The following USH2A variants were observed in gnomAD, a reference collection of about 807,000 sequenced individuals.
USH2A encodes Usher syndrome 2A (autosomal recessive, mild).
In USH2A, 443 loss-of-function variants were observed where a neutral mutation model predicts 538.9. That is an observed-to-expected ratio of 0.82 (90% CI 0.76 to 0.89). The LOEUF (loss-of-function observed/expected upper bound fraction) is 0.89. Ranked by LOEUF, USH2A falls within the 40% of genes least tolerant of loss-of-function variation. The probability of loss-of-function intolerance (pLI) is 0.00; values close to 1 mark genes in which losing one functional copy is unlikely to be tolerated. For synonymous variants in USH2A, 2,413 were observed against 2,273.5 expected (o/e 1.06, Z -1.75); for missense variants, 6,633 against 6,324.8 (o/e 1.05, Z -1.65).
intron 30 of USH2A, among the ~76,000 whole-genome samples, chr1:216,065,047 T>C (rs1400067953): frequency 1.3e-5 from 2 of 152,234 alleles, no homozygotes; most frequent in African/African-American, 4.8e-5. Flanking sequence ...AGTTAACTCT[T>C]CCCTTAGTTT....
intron 61 of USH2A, among the ~76,000 whole-genome samples, chr1:215,699,631 T>C (rs1442068937): frequency 6.6e-6 from 1 of 152,322 alleles, no homozygotes; most frequent in East Asian, 1.9e-4. Flanking sequence ...ATTATTGGTG[T>C]ATAGGAATGC....
intron 64 of USH2A, among the ~76,000 whole-genome samples, chr1:215,659,080 G>T (rs1657358287): frequency 6.6e-6 from 1 of 152,186 alleles, no homozygotes; most frequent in Admixed American, 6.5e-5. Context: ...ATCCTGGTGA[G>T]GAGAGGCAAT....
intron 35 of USH2A, among the ~76,000 whole-genome samples, chr1:215,975,644 T>G (rs1667602764): frequency 6.6e-6 from 1 of 152,206 alleles, no homozygotes; most frequent in Non-Finnish European, 1.5e-5. Context: ...GCTGTATTTC[T>G]AGATTCTCTT....
Position 216,313,342 on chromosome 1 carries a change from G to T in USH2A, c.1644+8541C>A, listed in dbSNP as rs77835154. Among the ~76,000 whole-genome samples, 489 of 152,176 alleles carry T rather than the reference G, an allele frequency of 3.2e-3. 4 individuals are homozygous for T. Among genetic ancestry groups the T allele is most frequent in the African/African-American group, 0.011 (475 of 41,516 alleles). ...TGGGGACCCCTGTTCTATGATTCTA[G>T]GATTAGTTTTCAGTTTTTAATGAGC... On this transcript the variant is annotated intron_variant, in intron 9 of 71. Coordinates refer to ENST00000307340, the MANE Select transcript of USH2A (RefSeq NM_206933.4).
intron 64 of USH2A, among the ~76,000 whole-genome samples, chr1:215,666,462 G>T (rs978268479): frequency 2.0e-5 from 3 of 152,166 alleles, no homozygotes; most frequent in Non-Finnish European, 4.4e-5. Flanking sequence ...CATTTGTGGG[G>T]AGCTGGCTTC....
At chr1:215,983,319 T>C (rs1469143049) in intron 35 of USH2A, among the ~76,000 whole-genome samples, 2 of 152,160 alleles carry the variant, frequency 1.3e-5, no homozygotes, top group Non-Finnish European at 2.9e-5. Flanking sequence ...GAGGAAGATG[T>C]CATAAGCCAT....
At position 216,072,988 on chromosome 1, in the gene USH2A, G is replaced by A; in HGVS notation, c.5777-19C>T. 6.2e-7 allele frequency: 1 copy of A among 1,613,464 alleles called. No homozygotes were observed. The highest frequency in any genetic ancestry group is 8.5e-7 in the Non-Finnish European group (1 of 1,179,470). On this transcript the variant is annotated intron_variant, in intron 28 of 71. Transcript: ENST00000307340. ...AGGTATTCTTAAATGGAAATAAGATGCAGCAAGATTAAAATAATACTCATA... is the reference window on the plus strand; with the variant it reads ...AGGTATTCTTAAATGGAAATAAGATACAGCAAGATTAAAATAATACTCATA...
chr1:215,946,915 C>T (rs925052130), intron 37 of USH2A, among the ~76,000 whole-genome samples: 3 of 151,800 alleles, frequency 2.0e-5, no homozygotes, highest in African/African-American at 4.8e-5. Flanking sequence ...TTGAAATATC[C>T]TATAAGTGTA....
intron 49 of USH2A, among the ~76,000 whole-genome samples, chr1:215,813,505 TGTA>T (rs1436383824): frequency 6.6e-6 from 1 of 152,214 alleles, no homozygotes; most frequent in Non-Finnish European, 1.5e-5. Context: ...TATTTCTTTC[TGTA>T]GTAGATATTG....
intron 21 of USH2A, among the ~76,000 whole-genome samples, chr1:216,154,995 A>ATCTTATCCAAATGCAAATTTCTAGGTATT (rs2033909596): frequency 3.0e-5 from 3 of 100,466 alleles, no homozygotes; most frequent in Non-Finnish European, 6.6e-5. Context: ...AGATCTGTAT[A>ATCTTATCCAAATGCAAATTTCTAGGTATT]TCTTATCCAA....
chr1:216,251,134 G>A (rs779966874), intron 11 of USH2A, 36 bp from the exon 12 acceptor site: 99 of 1,606,468 alleles, frequency 6.2e-5, no homozygotes, highest in East Asian at 1.1e-4. Context: ...AATGATGAAC[G>A]TATCTATTTT....
At position 215,934,705 on chromosome 1, in the gene USH2A, G is replaced by A. The variant is rs1302759052; in HGVS notation, c.7211C>T (p.Pro2404Leu). The A allele has an allele frequency of 3.3e-5, 53 of 1,612,690 alleles. No individual in the cohort carries two copies. Among genetic ancestry groups the A allele is most frequent in the Non-Finnish European group, 4.4e-5 (52 of 1,179,142 alleles). ...NLWVLIDGLV[P>L]FTNYTVQVNI... Reference sequence around the variant, plus strand: ...CACTTGTACAGTATAGTTGGTAAAAGGAACCAGCCCATCGATGAGCACCCA... The same window carrying A: ...CACTTGTACAGTATAGTTGGTAAAAAGAACCAGCCCATCGATGAGCACCCA... Residue 2404 changes from proline (P) to leucine (L), a missense_variant, in exon 38 of 72, where the codon CCT becomes CTT. Pro to Leu is a moderately conservative substitution (Grantham distance 98). Transcript: ENST00000307340.
rs111468272 is a variant in USH2A, at chr1:216,057,691, T to TA, written c.6050-9045dup. ...AACAGAGCAAGATTCCATCTCAAAT[T>TA]AAAAAAAAAAGTTCGTAATAAACTA... On this transcript the variant is annotated intron_variant, in intron 30 of 71. Coordinates refer to ENST00000307340, the MANE Select transcript of USH2A (RefSeq NM_206933.4). Among the ~76,000 whole-genome samples the TA allele has an allele frequency of 3.2e-3, 470 of 148,428 alleles. 5 individuals carry two copies. The highest frequency in any genetic ancestry group is 0.011 in the African/African-American group (450 of 40,512).
At chr1:216,062,655 T>C (rs1196183013) in intron 30 of USH2A, among the ~76,000 whole-genome samples, 1 of 152,180 alleles carries the variant, frequency 6.6e-6, no homozygotes, top group African/African-American at 2.4e-5. Context: ...TGTAAGGATA[T>C]GTTTTTAAAT....
intron 22 of USH2A, among the ~76,000 whole-genome samples, chr1:216,090,027 T>G (rs1041358245): frequency 6.6e-6 from 1 of 151,880 alleles, no homozygotes; most frequent in Non-Finnish European, 1.5e-5. Flanking sequence ...AAAAAGAAAT[T>G]ACAACTTCTA....
chr1:215,975,819 T>TA (rs1667606634), intron 35 of USH2A, among the ~76,000 whole-genome samples: 1 of 152,192 alleles, frequency 6.6e-6, no homozygotes, highest in Non-Finnish European at 1.5e-5. Flanking sequence ...GGGTTCCATA[T>TA]GAATTTTAGA....
At position 215,704,702 on chromosome 1, in the gene USH2A, G is replaced by A. The variant is rs144482857; in HGVS notation, c.12066+23328C>T. On this transcript the variant is annotated intron_variant, in intron 61 of 71. Transcript: ENST00000307340. ...ACAACACACTCTTCAATGAGGCTGC[G>A]CTTTTGTTCATGATTTCCTCTTTTC... 2.5e-3 allele frequency among the ~76,000 whole-genome samples: 380 copies of A among 152,280 alleles called. 1 individual carries two copies. Among genetic ancestry groups the A allele is most frequent in the African/African-American group, 8.5e-3 (353 of 41,560 alleles).
chr1:216,086,074 T>C (rs1364817425), intron 24 of USH2A, among the ~76,000 whole-genome samples: 1 of 152,122 alleles, frequency 6.6e-6, no homozygotes, highest in Non-Finnish European at 1.5e-5. Flanking sequence ...AGCATTGCGT[T>C]TGAAGGGTGA....
At chr1:216,108,608 A>G (rs2032794133) in intron 21 of USH2A, among the ~76,000 whole-genome samples, 1 of 151,914 alleles carries the variant, frequency 6.6e-6, no homozygotes. Context: ...ATCTCCTGAT[A>G]TTATTCCACA....
Sources: allele counts gnomAD v4.1 joint callset (sites outside exome capture counted in the v4.1 genomes callset), GRCh38; gene constraint gnomAD v4.1.1; transcripts MANE v1.5; gene names NCBI Gene and HGNC (gene_info 2026-07-23, HGNC 2026-07-21).